CTNND2: variants seen among roughly 807,000 people sequenced by gnomAD.
CTNND2 encodes the protein catenin delta 2.
Under a neutral mutation model 144.4 loss-of-function variants are expected in CTNND2, and 22 were observed. That is an observed-to-expected ratio of 0.15 (90% CI 0.11 to 0.22). The LOEUF is 0.22. Ranked by LOEUF, CTNND2 falls within the 10% of genes least tolerant of loss-of-function variation. The pLI is 1.00. For synonymous variants in CTNND2, 751 were observed against 695.6 expected (o/e 1.08, Z -1.25); for missense variants, 1,353 against 1,618.8 (o/e 0.84, Z 2.82).
intron 3 of CTNND2, among the ~76,000 whole-genome samples, chr5:11,553,415 T>G (rs1160100307): frequency 6.6e-6 from 1 of 152,154 alleles, no homozygotes; most frequent in Non-Finnish European, 1.5e-5. Context: ...AAAAGAGACT[T>G]CAATGAAAGA....
At chr5:11,879,367 A>ATGTATATATATATATATATATG (rs1735851457) in intron 1 of CTNND2, among the ~76,000 whole-genome samples, 1 of 139,298 alleles carries the variant, frequency 7.2e-6, no homozygotes, top group Non-Finnish European at 1.6e-5. Flanking sequence ...ACATATACAC[A>ATGTATATATATATATATATATG]CACACACAAA....
At chr5:11,137,384 C>CA (rs1328281668) in intron 12 of CTNND2, among the ~76,000 whole-genome samples, 1 of 152,058 alleles carries the variant, frequency 6.6e-6, no homozygotes, top group African/African-American at 2.4e-5. Flanking sequence ...TCGTCTAGAG[C>CA]AAATTATGAT....
intron 12 of CTNND2, among the ~76,000 whole-genome samples, chr5:11,146,841 G>A (rs929453290): frequency 2.6e-5 from 4 of 152,158 alleles, no homozygotes; most frequent in African/African-American, 9.7e-5. Flanking sequence ...CACACACACT[G>A]GAAAACAAGC....
chr5:11,676,050 C>T (rs1784156098), intron 2 of CTNND2, among the ~76,000 whole-genome samples: 1 of 151,944 alleles, frequency 6.6e-6, no homozygotes, highest in South Asian at 2.1e-4. Flanking sequence ...GACTGGGAGA[C>T]ACCTCCCAGT....
chr5:11,078,849 C>G (rs1749232571), intron 16 of CTNND2, among the ~76,000 whole-genome samples: 1 of 152,202 alleles, frequency 6.6e-6, no homozygotes, highest in South Asian at 2.1e-4. Flanking sequence ...TATACCAGAT[C>G]TACACAATTC....
intron 9 of CTNND2, among the ~76,000 whole-genome samples, chr5:11,243,726 G>A (rs1742690817): frequency 6.6e-6 from 1 of 152,180 alleles, no homozygotes. Context: ...CAGCTAAACA[G>A]CCAACAGTTC....
At chr5:11,824,994 A>G (rs1793524246) in intron 1 of CTNND2, among the ~76,000 whole-genome samples, 1 of 152,194 alleles carries the variant, frequency 6.6e-6, no homozygotes, top group African/African-American at 2.4e-5. Flanking sequence ...ACCCAGCTAA[A>G]CTACTGGATT....
intron 3 of CTNND2, among the ~76,000 whole-genome samples, chr5:11,560,721 C>A (rs1404351690): frequency 6.6e-6 from 1 of 152,080 alleles, no homozygotes; most frequent in Non-Finnish European, 1.5e-5. Context: ...AGGATATGAG[C>A]CCTGAGGTGG....
chr5:11,841,165 T>C (rs1475599417), intron 1 of CTNND2, among the ~76,000 whole-genome samples: 2 of 152,128 alleles, frequency 1.3e-5, no homozygotes, highest in Non-Finnish European at 2.9e-5. Context: ...AAAAGTAAGG[T>C]AACTTTCCAA....
At chr5:11,042,055 A>C (rs1429111743) in intron 16 of CTNND2, among the ~76,000 whole-genome samples, 2 of 151,534 alleles carry the variant, frequency 1.3e-5, no homozygotes. Context: ...AGAGAAACTT[A>C]TCAGAATAGA....
At chr5:11,330,483 CAAAAAAAAAAAAAA>C (rs10627159) in intron 9 of CTNND2, among the ~76,000 whole-genome samples, 2 of 43,442 alleles carry the variant, frequency 4.6e-5, no homozygotes, top group African/African-American at 8.9e-5. Context: ...GACTCCGTCT[CAAAAAAAAAAAAAA>C]AAAAAAAAAA....
intron 10 of CTNND2, among the ~76,000 whole-genome samples, chr5:11,219,089 T>C (rs576056263): frequency 2.1e-4 from 32 of 152,330 alleles, no homozygotes; most frequent in African/African-American, 7.5e-4. Context: ...ATTACACTGA[T>C]CAAGCTCAGT....
intron 12 of CTNND2, among the ~76,000 whole-genome samples, chr5:11,128,777 A>ATAC (rs1491571425): frequency 2.5e-5 from 1 of 39,446 alleles, no homozygotes; most frequent in Non-Finnish European, 4.7e-5. Context: ...TATTATATAT[A>ATAC]AAATATATAA....
chr5:11,645,722 A>G (rs1457767948), intron 2 of CTNND2, among the ~76,000 whole-genome samples: 1 of 152,178 alleles, frequency 6.6e-6, no homozygotes, highest in Non-Finnish European at 1.5e-5. Context: ...GGAAATAAAA[A>G]TATCTTGTCC....
intron 8 of CTNND2, among the ~76,000 whole-genome samples, chr5:11,347,367 T>G (rs1051735611): frequency 6.6e-6 from 1 of 152,262 alleles, no homozygotes; most frequent in Non-Finnish European, 1.5e-5. Flanking sequence ...TATTTGCATC[T>G]TCTCAATGTG....
intron 1 of CTNND2, among the ~76,000 whole-genome samples, chr5:11,879,199 C>T (rs1278473122): frequency 1.3e-5 from 2 of 151,790 alleles, no homozygotes; most frequent in African/African-American, 4.8e-5. Context: ...GACAGAGCAG[C>T]AGAGCTGTGG....
intron 3 of CTNND2, among the ~76,000 whole-genome samples, chr5:11,534,912 G>A (rs551467771): frequency 2.2e-4 from 33 of 152,162 alleles, no homozygotes; most frequent in Middle Eastern, 3.4e-3. Flanking sequence ...TTTCTTGGCC[G>A]GGAGCTGTGG....
chr5:11,469,103 G>A (rs1201977090), intron 3 of CTNND2, among the ~76,000 whole-genome samples: 1 of 152,160 alleles, frequency 6.6e-6, no homozygotes, highest in Non-Finnish European at 1.5e-5. Flanking sequence ...CAAGTGTTCA[G>A]GGAGTTTCTA....
intron 13 of CTNND2, among the ~76,000 whole-genome samples, chr5:11,112,178 C>T (rs1008170787): frequency 1.6e-4 from 24 of 152,224 alleles, no homozygotes; most frequent in African/African-American, 5.3e-4. Flanking sequence ...GGAACCTGCG[C>T]GTATGTTAGG....
Sources: allele counts gnomAD v4.1 joint callset (sites outside exome capture counted in the v4.1 genomes callset), GRCh38; gene constraint gnomAD v4.1.1; transcripts MANE v1.5; gene names NCBI Gene and HGNC (gene_info 2026-07-23, HGNC 2026-07-21).